The following CACNA1C variants were observed in gnomAD, a reference collection of about 807,000 sequenced individuals.
CACNA1C encodes the protein calcium voltage-gated channel subunit alpha1 C.
CACNA1C carries 30 observed loss-of-function variants against 229.0 expected under a neutral mutation model. The observed-to-expected ratio is 0.13, with a 90% CI of 0.10 to 0.18. The LOEUF (loss-of-function observed/expected upper bound fraction) is 0.18, where lower values mean the gene tolerates loss of function less well. Among genes scored for constraint, CACNA1C ranks in the 10% least tolerant of loss-of-function variants. The pLI is 1.00. For synonymous variants in CACNA1C, 1,114 were observed against 1,132.5 expected, an observed-to-expected ratio of 0.98 and a Z score of 0.33; for missense variants, 1,658 against 2,845.0, an observed-to-expected ratio of 0.58 and a Z score of 9.49.
chr12:2,598,870 C>A (rs1427811405), intron 21 of CACNA1C, among the ~76,000 whole-genome samples: 2 of 152,222 alleles, frequency 1.3e-5, no homozygotes, highest in Non-Finnish European at 2.9e-5. Flanking sequence ...TCAGATTTTT[C>A]TTTTCTGCTC....
chr12:2,630,407 TC>T lies in CACNA1C; in HGVS notation c.3829-3888del, dbSNP rs1334519941. ...CCGAGAGTGTTGGGAAAAGTATTCCTCCTAGGACCCAACCACCTGGGGACTT... is the reference window on the plus strand; with the variant it reads ...CCGAGAGTGTTGGGAAAAGTATTCCTCTAGGACCCAACCACCTGGGGACTT... On this transcript the variant is annotated intron_variant, in intron 29 of 46. Coordinates refer to ENST00000399655, the MANE Select transcript of CACNA1C (RefSeq NM_000719.7). The surrounding 1 kb of genome is among the most constrained non-coding windows in gnomAD (Gnocchi z 5.4). Among the ~76,000 whole-genome samples, 4 of 152,060 alleles carry T rather than the reference TC, an allele frequency of 2.6e-5. No individual in the cohort carries two copies. Among genetic ancestry groups the T allele is most frequent in the Non-Finnish European group, 5.9e-5 (4 of 68,012 alleles).
At chr12:2,626,433 G>C (rs1444402225) in intron 29 of CACNA1C, among the ~76,000 whole-genome samples, 2 of 152,218 alleles carry the variant, frequency 1.3e-5, no homozygotes, top group African/African-American at 2.4e-5. Flanking sequence ...GGCTGCCACA[G>C]ATTCAAGCCC....
chr12:2,253,009 C>G (rs775334451), intron 3 of CACNA1C, among the ~76,000 whole-genome samples: 1 of 152,168 alleles, frequency 6.6e-6, no homozygotes, highest in Non-Finnish European at 1.5e-5. Flanking sequence ...CTCATGTTCC[C>G]GGAAGGGAAG....
intron 1 of CACNA1C, among the ~76,000 whole-genome samples, chr12:2,105,902 G>C (rs2078242035): frequency 3.1e-5 from 1 of 32,290 alleles, no homozygotes; most frequent in Admixed American, 2.5e-4. Context: ...CGCCCACCCC[G>C]GGGAGGGTTT....
chr12:2,478,842 G>T (rs1341014428), intron 5 of CACNA1C, among the ~76,000 whole-genome samples: 1 of 152,182 alleles, frequency 6.6e-6, no homozygotes, highest in Non-Finnish European at 1.5e-5. Context: ...GTGCTTCATA[G>T]GTTCTCCGTA....
chr12:2,554,894 C>T (rs575743171), intron 10 of CACNA1C, among the ~76,000 whole-genome samples: 14 of 152,270 alleles, frequency 9.2e-5, no homozygotes, highest in Admixed American at 2.6e-4. Flanking sequence ...AGCCATTTGG[C>T]GGTTGCTTGT....
At chr12:2,021,823 T>A (rs2429139) in intron 1 of CACNA1C, among the ~76,000 whole-genome samples, 1 of 152,016 alleles carries the variant, frequency 6.6e-6, no homozygotes, top group African/African-American at 2.4e-5. Context: ...TTCATGGTGG[T>A]GTTAATCCAC....
intron 3 of CACNA1C, among the ~76,000 whole-genome samples, chr12:2,438,371 G>GTGGTGA (rs2099175313): frequency 6.8e-6 from 1 of 146,664 alleles, no homozygotes; most frequent in South Asian, 2.2e-4. Flanking sequence ...GATGGTGGTG[G>GTGGTGA]TGGTGATGGT....
rs1011187265 is a variant in CACNA1C at position 2,602,589 on chromosome 12, G to A, written c.2960+629G>A. Among the ~76,000 whole-genome samples the A allele has an allele frequency of 6.6e-6, 1 of 151,652 alleles. No individual in the cohort carries two copies. The highest frequency in any genetic ancestry group is 2.4e-5 in the African/African-American group (1 of 41,180). On this transcript the variant is annotated intron_variant, in intron 22 of 46. Transcript: ENST00000399655. The surrounding 1 kb of genome is among the most constrained non-coding windows in gnomAD (Gnocchi z 4.4). ...TATGTGTATGTATGTGCATATGTAT[G>A]TGTGAGTGCATGTATGTGTGTGACT...
At position 2,378,228 on chromosome 12, in the gene CACNA1C, A is replaced by T. The variant is rs182592937; in HGVS notation, c.478-70748A>T. ...GCTAGGTCTTGTGAGCAGATTCTAGAGGTAGAAACAGCCCCAGAAACACAA... is the reference window on the plus strand; with the variant it reads ...GCTAGGTCTTGTGAGCAGATTCTAGTGGTAGAAACAGCCCCAGAAACACAA... On this transcript the variant is annotated intron_variant, in intron 3 of 46. Coordinates refer to ENST00000399655, the MANE Select transcript of CACNA1C (RefSeq NM_000719.7). Among the ~76,000 whole-genome samples, 1,090 of 152,320 alleles carry T rather than the reference A, an allele frequency of 7.2e-3. 9 individuals are homozygous for T. Among genetic ancestry groups the T allele is most frequent in the South Asian group, 0.027 (132 of 4,826 alleles).
intron 3 of CACNA1C, among the ~76,000 whole-genome samples, chr12:2,278,494 C>T (rs2154432084): frequency 6.6e-6 from 1 of 152,208 alleles, no homozygotes; most frequent in African/African-American, 2.4e-5. Flanking sequence ...TCAATGAAGT[C>T]ATACAGCATG....
intron 1 of CACNA1C, among the ~76,000 whole-genome samples, chr12:2,063,383 C>T (rs904505549): frequency 1.3e-5 from 2 of 152,154 alleles, no homozygotes; most frequent in African/African-American, 2.4e-5. Flanking sequence ...ATCTCCTGAC[C>T]TCTTGATCCA....
intron 3 of CACNA1C, among the ~76,000 whole-genome samples, chr12:2,272,407 C>A (rs2085468879): frequency 6.6e-6 from 1 of 152,220 alleles, no homozygotes. Context: ...CCTCCTGCTT[C>A]CCCGGCTGGT....
At chr12:2,013,191 C>A (rs2044728493) in intron 1 of CACNA1C, among the ~76,000 whole-genome samples, 1 of 152,140 alleles carries the variant, frequency 6.6e-6, no homozygotes, top group African/African-American at 2.4e-5. Context: ...GTTTCTTCAT[C>A]TATAAAATAG....
At chr12:1,991,920 C>T (rs751287530) in intron 1 of CACNA1C, 3 of 167,864 alleles carry the variant, frequency 1.8e-5, no homozygotes, top group Non-Finnish European at 3.9e-5. Flanking sequence ...TTACAGGTAA[C>T]TTTGTAGTTA....
intron 9 of CACNA1C, among the ~76,000 whole-genome samples, chr12:2,541,442 TC>T (rs2154591304): frequency 6.6e-6 from 1 of 152,294 alleles, no homozygotes; most frequent in South Asian, 2.1e-4. Context: ...CAAAGTCAAT[TC>T]CTTAGTTCCA....
intron 3 of CACNA1C, among the ~76,000 whole-genome samples, chr12:2,440,191 A>G (rs1167705619): frequency 1.3e-5 from 2 of 152,152 alleles, no homozygotes; most frequent in African/African-American, 4.8e-5. Context: ...CATTAATCAC[A>G]CCCACAATGT....
At chr12:2,477,868 T>A (rs2099638583) in intron 5 of CACNA1C, among the ~76,000 whole-genome samples, 1 of 151,990 alleles carries the variant, frequency 6.6e-6, no homozygotes, top group African/African-American at 2.4e-5. Context: ...GCACCAGTCA[T>A]CTCAAATTAT....
intron 3 of CACNA1C, among the ~76,000 whole-genome samples, chr12:2,409,158 CATG>C (rs2098776058): frequency 6.6e-6 from 1 of 152,232 alleles, no homozygotes. Context: ...CTTTTGTCCT[CATG>C]ATAACTGCTG....
Sources: allele counts gnomAD v4.1 joint callset (sites outside exome capture counted in the v4.1 genomes callset), GRCh38; gene constraint gnomAD v4.1.1; non-coding constraint Gnocchi (gnomAD v3.1); transcripts MANE v1.5; gene names NCBI Gene and HGNC (gene_info 2026-07-23, HGNC 2026-07-21).